The following TBXAS1 variants were observed in gnomAD, a reference collection of about 807,000 sequenced individuals.
TBXAS1 encodes thromboxane-A synthase.
In TBXAS1, 48 loss-of-function variants were observed where a neutral mutation model predicts 60.7. The ratio of observed to expected loss-of-function variants is 0.79; its 90% CI spans 0.63 to 1.01. TBXAS1 has a LOEUF of 1.01. Ranked by LOEUF, TBXAS1 falls within the 50% of genes least tolerant of loss-of-function variation. The pLI is 0.00. For missense variants in TBXAS1, 685 were observed against 686.3 expected (o/e 1.00, Z 0.02); for synonymous variants, 287 against 269.7 (o/e 1.06, Z -0.63).
rs78466157 is a variant in TBXAS1 at position 140,008,263 on chromosome 7, T to C, written c.1226+1081T>C. Among the ~76,000 whole-genome samples, 1,229 of 152,228 alleles carry C rather than the reference T, an allele frequency of 8.1e-3. 11 individuals are homozygous for C. Among genetic ancestry groups the C allele is most frequent in the African/African-American group, 0.027 (1,118 of 41,532 alleles). ...CAGAAGCAAATACAGAAAATTCCGGTGGCGTGATTCGAACTGCATTGTCCT... is the reference window on the plus strand; with the variant it reads ...CAGAAGCAAATACAGAAAATTCCGGCGGCGTGATTCGAACTGCATTGTCCT... On this transcript the variant is annotated intron_variant, in intron 10 of 12. Coordinates refer to ENST00000448866, the MANE Select transcript of TBXAS1 (RefSeq NM_001061.7).
At chr7:139,951,882 AGAAGGAAGGAAGGAAG>A (rs1314622941) in intron 5 of TBXAS1, among the ~76,000 whole-genome samples, 1 of 50,230 alleles carries the variant, frequency 2.0e-5, no homozygotes, top group Non-Finnish European at 4.0e-5. Flanking sequence ...AAGGAAGGAA[AGAAGGAAGGAAGGAAG>A]GAAAGAAAGA....
chr7:139,927,741 T>C (rs934258596), intron 4 of TBXAS1, among the ~76,000 whole-genome samples: 1 of 152,166 alleles, frequency 6.6e-6, no homozygotes, highest in African/African-American at 2.4e-5. Flanking sequence ...TTTAGTCAAA[T>C]GTTTTTGTAG....
intron 4 of TBXAS1, among the ~76,000 whole-genome samples, chr7:139,792,540 C>T (rs1216662403): frequency 6.6e-6 from 1 of 152,108 alleles, no homozygotes; most frequent in African/African-American, 2.4e-5. Flanking sequence ...ACAATGAAAA[C>T]AAAACAAACA....
In TBXAS1 at chr7:139,975,838, G is replaced by A. The variant is rs1411062925; in HGVS notation, c.1134+13605G>A. ...ATGTGGCACAAGATGAAGAGTGCAT[G>A]GGCAGCTTCTCCCCTGACATCCCTA... On this transcript the variant is annotated intron_variant, in intron 9 of 12. Coordinates refer to ENST00000448866, the MANE Select transcript of TBXAS1 (RefSeq NM_001061.7). The surrounding 1 kb of genome is among the most constrained non-coding windows in gnomAD (Gnocchi z 4.4). Among the ~76,000 whole-genome samples the A allele has an allele frequency of 6.6e-6, 1 of 152,150 alleles. No individual in the cohort carries two copies. Among genetic ancestry groups the A allele is most frequent in the African/African-American group, 2.4e-5 (1 of 41,424 alleles).
intron 4 of TBXAS1, among the ~76,000 whole-genome samples, chr7:139,804,015 G>A (rs1797782039): frequency 6.6e-6 from 1 of 152,196 alleles, no homozygotes; most frequent in South Asian, 2.1e-4. Context: ...GTGGAGCTGT[G>A]AGAAGAAGGC....
chr7:139,824,818 C>A (rs1433523701), upstream of TBXAS1, among the ~76,000 whole-genome samples: 36 of 68,084 alleles, frequency 5.3e-4, no homozygotes, highest in South Asian at 2.4e-3. Flanking sequence ...CTTTCTTTTT[C>A]TTTTCCTTTT....
At chr7:139,929,215 C>A (rs1010396196) in intron 4 of TBXAS1, among the ~76,000 whole-genome samples, 1 of 152,244 alleles carries the variant, frequency 6.6e-6, no homozygotes. Flanking sequence ...AGGCAAGTTA[C>A]TTCTATAGAA....
intron 5 of TBXAS1, among the ~76,000 whole-genome samples, chr7:139,949,797 A>G (rs1206691821): frequency 6.6e-6 from 1 of 152,200 alleles, no homozygotes; most frequent in African/African-American, 2.4e-5. Flanking sequence ...CAGCTGACTC[A>G]TCAGTAAAGC....
chr7:139,803,581 T>C (rs1797772355), intron 4 of TBXAS1, among the ~76,000 whole-genome samples: 1 of 152,144 alleles, frequency 6.6e-6, no homozygotes, highest in Non-Finnish European at 1.5e-5. Flanking sequence ...CTCCAGGGTA[T>C]GTCAGAGACC....
intron 1 of TBXAS1, among the ~76,000 whole-genome samples, chr7:139,854,384 A>G (rs766172959): frequency 2.6e-5 from 4 of 152,128 alleles, no homozygotes; most frequent in Non-Finnish European, 5.9e-5. Flanking sequence ...CTAGGTGCCA[A>G]ATAAAGGAGG....
intron 3 of TBXAS1, among the ~76,000 whole-genome samples, chr7:139,910,146 T>C (rs1055483444): frequency 4.6e-5 from 7 of 152,190 alleles, no homozygotes; most frequent in African/African-American, 1.7e-4. Context: ...ACGCTGTATA[T>C]TAATTGCCTA....
intron 4 of TBXAS1, among the ~76,000 whole-genome samples, chr7:139,914,998 C>T (rs1432794837): frequency 4.6e-5 from 7 of 152,120 alleles, no homozygotes; most frequent in Admixed American, 6.5e-5. Context: ...GCAATATAGT[C>T]TTCTTCGTCT....
At chr7:139,932,935 T>C (rs1807449304) in intron 4 of TBXAS1, among the ~76,000 whole-genome samples, 1 of 152,136 alleles carries the variant, frequency 6.6e-6, no homozygotes, top group South Asian at 2.1e-4. Flanking sequence ...CATGTACCTC[T>C]AGTCCCAGCT....
At chr7:139,918,280 A>G (rs1333442182) in intron 4 of TBXAS1, among the ~76,000 whole-genome samples, 30 of 152,144 alleles carry the variant, frequency 2.0e-4, no homozygotes, top group Non-Finnish European at 5.9e-5. Flanking sequence ...AAAATACATT[A>G]GACTAGCTAA....
intron 9 of TBXAS1, among the ~76,000 whole-genome samples, chr7:139,974,523 C>T (rs1811432861): frequency 6.6e-6 from 1 of 152,134 alleles, no homozygotes; most frequent in African/African-American, 2.4e-5. Flanking sequence ...GCACACGGGG[C>T]CCCTGAGCTG....
intron 3 of TBXAS1, among the ~76,000 whole-genome samples, chr7:139,904,665 C>T (rs2117011006): frequency 6.6e-6 from 1 of 152,230 alleles, no homozygotes; most frequent in South Asian, 2.1e-4. Flanking sequence ...CTTTCCACTC[C>T]TTGGTTAGGT....
chr7:139,958,947 T>G (rs1810101956), intron 8 of TBXAS1, among the ~76,000 whole-genome samples: 1 of 151,810 alleles, frequency 6.6e-6, no homozygotes, highest in South Asian at 2.1e-4. Context: ...GGAGAAGGGA[T>G]AAAGAAAGAA....
intron 3 of TBXAS1, among the ~76,000 whole-genome samples, chr7:139,906,556 G>C (rs1461786532): frequency 1.3e-5 from 2 of 152,112 alleles, no homozygotes; most frequent in East Asian, 3.8e-4. Flanking sequence ...CTCGTAGACT[G>C]ATTCCTCCCA....
At chr7:139,931,695 C>T (rs193961) in intron 4 of TBXAS1, among the ~76,000 whole-genome samples, 141,782 of 152,100 alleles carry the variant, frequency 0.93, 66,390 homozygotes, top group Non-Finnish European at 0.98. Flanking sequence ...CGTGACCCCA[C>T]GATTCAATTT....
Sources: gnomAD v4.1 joint callset for allele counts (sites outside exome capture counted in the v4.1 genomes callset) on GRCh38, gnomAD v4.1.1 for gene constraint, Gnocchi (gnomAD v3.1) non-coding constraint, MANE v1.5 for transcripts, NCBI Gene and HGNC (gene_info 2026-07-23, HGNC 2026-07-21) for gene names.